NPAS3: variants seen among roughly 807,000 people sequenced by gnomAD.
NPAS3 encodes neuronal PAS domain-containing protein 3.
NPAS3 carries 14 observed loss-of-function variants against 73.1 expected under a neutral mutation model. The observed-to-expected ratio is 0.19, with a 90% CI of 0.13 to 0.30. The LOEUF (loss-of-function observed/expected upper bound fraction) is 0.30, where lower values mean the gene tolerates loss of function less well. Among genes scored for constraint, NPAS3 ranks in the 10% least tolerant of loss-of-function variants. The pLI, the probability that NPAS3 is intolerant of heterozygous loss-of-function variation, is 1.00. For missense variants in NPAS3, 1,096 were observed against 1,250.0 expected (o/e 0.88, Z 1.86); for synonymous variants, 620 against 541.5 (o/e 1.14, Z -2.01).
At chr14:33,567,849 C>T (rs962468796) in intron 5 of NPAS3, among the ~76,000 whole-genome samples, 27 of 152,164 alleles carry the variant, frequency 1.8e-4, no homozygotes, top group African/African-American at 6.0e-4. Flanking sequence ...AAGAAATGTG[C>T]GTCATCATAC....
chr14:33,288,657 T>G (rs1426517439), intron 3 of NPAS3, among the ~76,000 whole-genome samples: 1 of 151,908 alleles, frequency 6.6e-6, no homozygotes, highest in African/African-American at 2.4e-5. Context: ...GGAGAGAGTT[T>G]ACATTTGGTC....
intron 3 of NPAS3, among the ~76,000 whole-genome samples, chr14:33,275,471 C>G (rs7152037): frequency 0.74 from 112,496 of 152,134 alleles, 42,117 homozygotes; most frequent in Non-Finnish European, 0.78. Context: ...TGATTCACTA[C>G]TATTTCACCA....
intron 5 of NPAS3, among the ~76,000 whole-genome samples, chr14:33,589,323 G>A (rs1319336920): frequency 2.0e-5 from 3 of 152,180 alleles, no homozygotes; most frequent in African/African-American, 7.2e-5. Flanking sequence ...GTTGAATGCT[G>A]CTTATGACAG....
At chr14:33,404,959 G>A (rs1204492297) in intron 4 of NPAS3, among the ~76,000 whole-genome samples, 1 of 151,786 alleles carries the variant, frequency 6.6e-6, no homozygotes, top group African/African-American at 2.4e-5. Flanking sequence ...GTTCTCCCTT[G>A]TCTATATTGT....
chr14:33,111,187 G>A (rs1933790065), intron 2 of NPAS3, among the ~76,000 whole-genome samples: 1 of 152,222 alleles, frequency 6.6e-6, no homozygotes, highest in South Asian at 2.1e-4. Flanking sequence ...CAGGCAGAAA[G>A]CCTGAAGGGA....
At chr14:33,361,881 G>A (rs1023598253) in intron 3 of NPAS3, among the ~76,000 whole-genome samples, 10 of 151,856 alleles carry the variant, frequency 6.6e-5, no homozygotes, top group South Asian at 4.2e-4. Context: ...GATTAATCAC[G>A]TGCCCAATTA....
intron 4 of NPAS3, among the ~76,000 whole-genome samples, chr14:33,451,589 C>T (rs1055997367): frequency 6.6e-6 from 1 of 152,128 alleles, no homozygotes; most frequent in Non-Finnish European, 1.5e-5. Flanking sequence ...TTTTAAAATG[C>T]TTTTAACATG....
intron 2 of NPAS3, among the ~76,000 whole-genome samples, chr14:33,186,536 A>C (rs1227939709): frequency 6.6e-6 from 1 of 152,160 alleles, no homozygotes; most frequent in African/African-American, 2.4e-5. Flanking sequence ...GACCACTGCC[A>C]TGTCATGATG....
chr14:33,569,021 A>G (rs902812589), intron 5 of NPAS3, among the ~76,000 whole-genome samples: 5 of 152,254 alleles, frequency 3.3e-5, no homozygotes, highest in Admixed American at 2.0e-4. Flanking sequence ...ACATGCCTAT[A>G]TATGTTTATA....
At chr14:32,973,404 A>G (rs1217310429) in intron 1 of NPAS3, among the ~76,000 whole-genome samples, 2 of 152,166 alleles carry the variant, frequency 1.3e-5, no homozygotes, top group Non-Finnish European at 2.9e-5. Flanking sequence ...CCTAACTACA[A>G]TCTAAAAAGT....
downstream of NPAS3, chr14:33,803,382 A>G (rs2063759220): frequency 6.6e-6 from 1 of 152,194 alleles, no homozygotes; most frequent in Non-Finnish European, 1.5e-5. Context: ...AGGACCTTTG[A>G]TTTCATGAGT....
chr14:33,308,053 G>A (rs192913913), intron 3 of NPAS3, among the ~76,000 whole-genome samples: 2 of 152,236 alleles, frequency 1.3e-5, no homozygotes, highest in African/African-American at 4.8e-5. Flanking sequence ...CTCCCTGACT[G>A]ATTGGACTGC....
intron 4 of NPAS3, among the ~76,000 whole-genome samples, chr14:33,488,797 G>A (rs547722883): frequency 5.3e-5 from 8 of 152,254 alleles, no homozygotes; most frequent in East Asian, 1.9e-4. Flanking sequence ...GGAGAAATGC[G>A]CTTTAGTTTT....
At chr14:33,548,902 G>A (rs999954878) in intron 4 of NPAS3, among the ~76,000 whole-genome samples, 1 of 152,202 alleles carries the variant, frequency 6.6e-6, no homozygotes, top group East Asian at 1.9e-4. Flanking sequence ...GAAAGGAAAG[G>A]CTTTATCTGG....
At chr14:33,419,062 C>T (rs924416927) in intron 4 of NPAS3, among the ~76,000 whole-genome samples, 1 of 151,914 alleles carries the variant, frequency 6.6e-6, no homozygotes, top group African/African-American at 2.4e-5. Context: ...TAAACTGATA[C>T]TGTAAGGCAC....
At chr14:33,801,680 A>G (rs2063717519), downstream of NPAS3, 1 of 152,578 alleles carries the variant, frequency 6.6e-6, no homozygotes, top group Non-Finnish European at 1.5e-5. Context: ...TTACTTGCAC[A>G]TAAAAATAAT....
At chr14:33,440,115 CAA>C (rs368527118) in intron 4 of NPAS3, among the ~76,000 whole-genome samples, 43 of 110,112 alleles carry the variant, frequency 3.9e-4, no homozygotes, top group Admixed American at 4.7e-4. Flanking sequence ...CAGTCTGTCT[CAA>C]AAAAAAAAAA....
intron 7 of NPAS3, among the ~76,000 whole-genome samples, chr14:33,743,322 A>AC (rs1400451347): frequency 6.6e-6 from 1 of 152,012 alleles, no homozygotes; most frequent in South Asian, 2.1e-4. Flanking sequence ...TACAACACTG[A>AC]CCCCCCTGTA....
At chr14:33,801,088 T>C in exon 12 of NPAS3, 1 of 1,589,740 alleles carries the variant, frequency 6.3e-7, no homozygotes, top group East Asian at 2.3e-5. Context: ...CGGCACAGAC[T>C]CTGGAGCGCA....
Sources: allele counts gnomAD v4.1 joint callset (sites outside exome capture counted in the v4.1 genomes callset), GRCh38; gene constraint gnomAD v4.1.1; transcripts MANE v1.5; gene names NCBI Gene and HGNC (gene_info 2026-07-23, HGNC 2026-07-21).